The following AMPH variants were observed in gnomAD, a reference collection of about 807,000 sequenced individuals.
AMPH encodes the protein amphiphysin, also known as amphiphysin (Stiff-Mann syndrome with breast cancer 128kD autoantigen).
AMPH carries 49 observed loss-of-function variants against 99.1 expected under a neutral mutation model. The observed-to-expected ratio is 0.49, with a 90% CI of 0.39 to 0.63. The LOEUF (loss-of-function observed/expected upper bound fraction) is 0.63. AMPH is among the 20% of genes least tolerant of loss of function. The pLI, the probability that AMPH is intolerant of heterozygous loss-of-function variation, is 0.00. For synonymous variants in AMPH, 314 were observed against 317.3 expected (o/e 0.99, Z 0.11); for missense variants, 759 against 863.4 (o/e 0.88, Z 1.52).
At chr7:38,592,968 T>C (rs1159093571) in intron 1 of AMPH, among the ~76,000 whole-genome samples, 4 of 152,196 alleles carry the variant, frequency 2.6e-5, no homozygotes. Flanking sequence ...ACACACCTCC[T>C]CTTGTAACTT....
intron 3 of AMPH, among the ~76,000 whole-genome samples, chr7:38,496,938 A>T (rs1179545520): frequency 6.6e-6 from 1 of 152,206 alleles, no homozygotes; most frequent in Non-Finnish European, 1.5e-5. Flanking sequence ...AAAATCATGA[A>T]TATAACCTTA....
At chr7:38,561,452 T>C (rs115289966) in intron 1 of AMPH, among the ~76,000 whole-genome samples, 1,697 of 152,286 alleles carry the variant, frequency 0.011, 32 homozygotes, top group African/African-American at 0.037. Flanking sequence ...CCAACATGTG[T>C]CAAGCATTGT....
intron 1 of AMPH, among the ~76,000 whole-genome samples, chr7:38,552,293 C>A (rs1217011707): frequency 6.6e-6 from 1 of 152,204 alleles, no homozygotes; most frequent in Admixed American, 6.5e-5. Flanking sequence ...AGCTCCTTGG[C>A]CTGGCTGGCA....
chr7:38,572,313 G>A (rs561636117), intron 1 of AMPH, among the ~76,000 whole-genome samples: 90 of 152,246 alleles, frequency 5.9e-4, no homozygotes, highest in African/African-American at 2.0e-3. Flanking sequence ...ATTCAGTGCA[G>A]AAACATATGG....
At chr7:38,445,368 A>G (rs893474879) in intron 11 of AMPH, among the ~76,000 whole-genome samples, 1 of 152,188 alleles carries the variant, frequency 6.6e-6, no homozygotes, top group Non-Finnish European at 1.5e-5. Context: ...TTAGGCAAAG[A>G]CCTTTTAGAT....
Position 38,620,548 on chromosome 7 carries a change from TACACACACACACAC to T in AMPH, c.69+10721_69+10734del, listed in dbSNP as rs201765719. Reference sequence around the variant, plus strand: ...CATCTATGCTATATATATACATACATACACACACACACACACACACACACACACACACACACACA... The same window carrying T: ...CATCTATGCTATATATATACATACATACACACACACACACACACACACACA... On this transcript the variant is annotated intron_variant, in intron 1 of 20. Coordinates refer to ENST00000356264, the MANE Select transcript of AMPH (RefSeq NM_001635.4). 1.3e-3 allele frequency among the ~76,000 whole-genome samples: 175 copies of T among 133,174 alleles called. 1 individual carries two copies. Among genetic ancestry groups the T allele is most frequent in the East Asian group, 2.5e-3 (10 of 4,072 alleles). 87.4% of individuals were successfully genotyped at this position (133,174 alleles called of 152,430 possible). A position where few individuals can be genotyped will look rare whatever the true frequency, so the allele number is the denominator to read the frequency against.
chr7:38,517,745 C>A (rs1789803912), intron 2 of AMPH, among the ~76,000 whole-genome samples: 1 of 152,006 alleles, frequency 6.6e-6, no homozygotes, highest in Non-Finnish European at 1.5e-5. Flanking sequence ...GGAAACAGAA[C>A]AAAAAGATTT....
chr7:38,479,676 A>AAT (rs111978349), intron 5 of AMPH, among the ~76,000 whole-genome samples: 37,722 of 151,912 alleles, frequency 0.25, 5,691 homozygotes, highest in African/African-American at 0.39. Context: ...TACATGAAGT[A>AAT]ATACATCATT....
chr7:38,623,209 G>A (rs1036754487), intron 1 of AMPH, among the ~76,000 whole-genome samples: 7 of 152,090 alleles, frequency 4.6e-5, no homozygotes, highest in African/African-American at 1.7e-4. Context: ...AGTAAAGGGG[G>A]CCATATTGTT....
chr7:38,499,819 C>A (rs1327587943), intron 3 of AMPH, among the ~76,000 whole-genome samples: 1 of 152,100 alleles, frequency 6.6e-6, no homozygotes, highest in Non-Finnish European at 1.5e-5. Flanking sequence ...ATCATGCGGG[C>A]GGGTTTCTCC....
At chr7:38,454,190 T>C (rs1787143942) in intron 11 of AMPH, among the ~76,000 whole-genome samples, 1 of 152,238 alleles carries the variant, frequency 6.6e-6, no homozygotes, top group Admixed American at 6.5e-5. Flanking sequence ...TGCCTATTGA[T>C]AAGTGTGCTT....
At chr7:38,523,617 C>T (rs1437472693) in intron 2 of AMPH, among the ~76,000 whole-genome samples, 1 of 151,980 alleles carries the variant, frequency 6.6e-6, no homozygotes, top group Non-Finnish European at 1.5e-5. Flanking sequence ...TAAGTACATG[C>T]TGATATAATT....
At chr7:38,589,253 AATGAAT>A (rs1244819319) in intron 1 of AMPH, among the ~76,000 whole-genome samples, 1 of 152,216 alleles carries the variant, frequency 6.6e-6, no homozygotes, top group African/African-American at 2.4e-5. Context: ...TTCTAGAATA[AATGAAT>A]ATGGTCAACA....
chr7:38,628,296 C>T (rs1450452398), intron 1 of AMPH, among the ~76,000 whole-genome samples: 2 of 152,196 alleles, frequency 1.3e-5, no homozygotes, highest in East Asian at 1.9e-4. Context: ...TGGCAAGTGT[C>T]TCATGGACTG....
intron 1 of AMPH, among the ~76,000 whole-genome samples, chr7:38,614,674 A>G (rs1793810625): frequency 6.6e-6 from 1 of 152,234 alleles, no homozygotes; most frequent in African/African-American, 2.4e-5. Context: ...TCTTGTAAGA[A>G]ATGAAATTAA....
chr7:38,390,449 T>C (rs1384357690), intron 19 of AMPH, among the ~76,000 whole-genome samples: 1 of 152,148 alleles, frequency 6.6e-6, no homozygotes, highest in Non-Finnish European at 1.5e-5. Flanking sequence ...TATAGAAAAA[T>C]ATTTTAAAGC....
intron 17 of AMPH, among the ~76,000 whole-genome samples, chr7:38,406,977 G>T (rs1785029991): frequency 7.3e-6 from 1 of 137,398 alleles, no homozygotes; most frequent in African/African-American, 2.8e-5. Flanking sequence ...CCAATCGTGG[G>T]ACTTTGCCTT....
At chr7:38,544,570 G>A (rs954905061) in intron 1 of AMPH, among the ~76,000 whole-genome samples, 2 of 152,220 alleles carry the variant, frequency 1.3e-5, no homozygotes, top group African/African-American at 4.8e-5. Flanking sequence ...TCTGTAAGGT[G>A]AAGAACCACT....
At chr7:38,402,376 T>C (rs1435654954) in intron 17 of AMPH, among the ~76,000 whole-genome samples, 2 of 152,252 alleles carry the variant, frequency 1.3e-5, no homozygotes, top group Non-Finnish European at 2.9e-5. Flanking sequence ...TTTTTTCTTT[T>C]GTATTGCTCT....
Sources: gnomAD v4.1 joint callset for allele counts (sites outside exome capture counted in the v4.1 genomes callset) on GRCh38, gnomAD v4.1.1 for gene constraint, MANE v1.5 for transcripts, NCBI Gene and HGNC (gene_info 2026-07-23, HGNC 2026-07-21) for gene names.